The following MYO18B variants were observed in gnomAD, a reference collection of about 807,000 sequenced individuals.
MYO18B encodes myosin XVIIIB.
A neutral mutation model predicts 273.0 loss-of-function variants in MYO18B; 204 were observed. The observed-to-expected ratio is 0.75, with a 90% CI of 0.67 to 0.84. The LOEUF is 0.84. MYO18B is among the 40% of genes least tolerant of loss of function. MYO18B has a pLI of 0.00. For synonymous variants in MYO18B, 1,330 were observed against 1,305.7 expected (o/e 1.02, Z -0.40); for missense variants, 3,212 against 3,287.6 (o/e 0.98, Z 0.56).
rs568187984 is a variant in MYO18B at position 25,960,526 on chromosome 22, T to C, written c.6156+5162T>C. On this transcript the variant is annotated intron_variant, in intron 39 of 43. Coordinates refer to ENST00000335473, the MANE Select transcript of MYO18B (RefSeq NM_032608.7). ...CTGATCCAGGTGTCCTTTTCACAAG[T>C]TCCCCAGGTCTTGAAAAACTTGCAT... Among the ~76,000 whole-genome samples the C allele has an allele frequency of 2.0e-5, 3 of 152,298 alleles. No individual in the cohort carries two copies. In the East Asian group the frequency reaches 5.8e-4, roughly 29 times the overall value.
At position 25,990,553 on chromosome 22, in the gene MYO18B, C is replaced by G. The variant is rs571836896; in HGVS notation, c.6157-1810C>G. On this transcript the variant is annotated intron_variant, in intron 39 of 43. Coordinates refer to ENST00000335473, the MANE Select transcript of MYO18B (RefSeq NM_032608.7). Reference sequence around the variant, plus strand: ...AATACATAAATTAGCCAAGTGTGGTCGTGGGTGCCTGTAATCCCATCTACT... The same window carrying G: ...AATACATAAATTAGCCAAGTGTGGTGGTGGGTGCCTGTAATCCCATCTACT... Among the ~76,000 whole-genome samples the G allele has an allele frequency of 3.3e-5, 5 of 151,528 alleles. No individual in the cohort carries two copies. In the South Asian group the frequency reaches 6.3e-4, roughly 19 times the overall value.
chr22:25,755,800 C>T (rs560219584), intron 1 of MYO18B, among the ~76,000 whole-genome samples: 11 of 152,292 alleles, frequency 7.2e-5, no homozygotes, highest in African/African-American at 2.2e-4. Context: ...TCCCCTTCTC[C>T]TGCGGTTATT....
chr22:25,960,566 C>G (rs2092907436), intron 39 of MYO18B, among the ~76,000 whole-genome samples: 2 of 152,234 alleles, frequency 1.3e-5, no homozygotes, highest in African/African-American at 4.8e-5. Context: ...CTTCTGCTCA[C>G]TCTTCCTGCA....
chr22:25,842,539 G>A (rs994327076), intron 17 of MYO18B, among the ~76,000 whole-genome samples: 2 of 152,028 alleles, frequency 1.3e-5, no homozygotes, highest in African/African-American at 2.4e-5. Context: ...AGGCATGTTG[G>A]CTCATGCCTG....
chr22:25,891,017 G>T (rs2091647119), intron 26 of MYO18B, 142 bp downstream of exon 26: 1 of 1,263,794 alleles, frequency 7.9e-7, no homozygotes, highest in East Asian at 2.5e-5. Flanking sequence ...GGTCCTGGGG[G>T]ACACTTAGGT....
In MYO18B at chr22:25,883,027, G is replaced by A. The variant is rs2091389854; in HGVS notation, c.4314+4979G>A. ...ACCTCCTACTTCAGCCTCCCATGTA[G>A]CCAGGACCACAGGCGTGCATCACCA... On this transcript the variant is annotated intron_variant, in intron 25 of 43. Coordinates refer to ENST00000335473, the MANE Select transcript of MYO18B (RefSeq NM_032608.7). The surrounding 1 kb of genome is among the most constrained non-coding windows in gnomAD (Gnocchi z 7.6). Among the ~76,000 whole-genome samples, 1 of 152,084 alleles carries A rather than the reference G, an allele frequency of 6.6e-6. No individual in the cohort carries two copies.
the MYO18B span, among the ~76,000 whole-genome samples, chr22:26,039,578 C>T: frequency 1.3e-5 from 2 of 152,110 alleles, no homozygotes; most frequent in African/African-American, 4.8e-5. Context: ...GCCTCCTACA[C>T]ACCTGTGCCT....
intron 12 of MYO18B, among the ~76,000 whole-genome samples, chr22:25,813,241 A>G (rs1432854308): frequency 1.1e-4 from 15 of 141,168 alleles, no homozygotes; most frequent in African/African-American, 3.7e-4. Context: ...CTGGAGTGCA[A>G]TGGTGCAGTC....
intron 13 of MYO18B, among the ~76,000 whole-genome samples, chr22:25,824,414 A>G (rs1461079537): frequency 6.6e-6 from 1 of 152,202 alleles, no homozygotes; most frequent in Non-Finnish European, 1.5e-5. Flanking sequence ...TGGCCCCAGC[A>G]GCTGGAAGAA....
rs1482373201 is a variant in MYO18B, at chr22:25,823,592, C to T, written c.2609C>T (p.Thr870Ile). 1 of 1,613,946 alleles carries T rather than the reference C, an allele frequency of 6.2e-7. No homozygotes were observed. The highest frequency in any genetic ancestry group is 8.5e-7 in the Non-Finnish European group (1 of 1,179,896). Residue 870 changes from threonine to isoleucine, a missense_variant, in exon 13 of 44, where the codon ACC (threonine) becomes ATC (isoleucine). Coordinates refer to ENST00000335473, the MANE Select transcript of MYO18B (RefSeq NM_032608.7). Reference sequence around the variant, plus strand: ...GAGTATGAGGAGCTGAACACGGCCACCTTCAAGCACCACCTTCGACAGATC... The same window carrying T: ...GAGTATGAGGAGCTGAACACGGCCATCTTCAAGCACCACCTTCGACAGATC... ...GCEYEELNTA[T>I]FKHHLRQIIQ... is the part of the protein sequence containing the mutation.
intron 4 of MYO18B, chr22:25,769,892 G>A: frequency 1.9e-6 from 1 of 522,816 alleles, no homozygotes; most frequent in Non-Finnish European, 3.4e-6. Context: ...GTCTTGCTCT[G>A]TCACCCAGGC....
At position 25,828,804 on chromosome 22, in the gene MYO18B, G is replaced by A. The variant is rs1372571820; in HGVS notation, c.2815G>A (p.Ala939Thr). The change falls in exon 15 of 44, where the codon GCC (alanine) becomes ACC (threonine). Residue 939 changes from alanine (A) to threonine (T), a missense_variant. Transcript: ENST00000335473. ...CTTTTCCTCCCACCATCTCTCCATG[G>A]CCTCCATCATGGTGGTGGACTCTCC... ...RSFSSHHLSM[A>T]SIMVVDSPGF... is the part of the protein sequence containing the mutation. The A allele has an allele frequency of 1.2e-6, 2 of 1,613,612 alleles. No individual in the cohort carries two copies. Among genetic ancestry groups the A allele is most frequent in the Non-Finnish European group, 8.5e-7 (1 of 1,179,838 alleles).
At chr22:25,965,982 A>C (rs1227567651) in intron 39 of MYO18B, among the ~76,000 whole-genome samples, 3 of 152,178 alleles carry the variant, frequency 2.0e-5, no homozygotes, top group African/African-American at 7.2e-5. Context: ...CTGTCTTTTT[A>C]AGCAAGATTA....
chr22:26,013,168 T>C (rs1242901779), intron 42 of MYO18B, among the ~76,000 whole-genome samples: 2 of 152,220 alleles, frequency 1.3e-5, no homozygotes, highest in East Asian at 3.8e-4. Flanking sequence ...TTCATTGCTC[T>C]ATAGTCTATG....
chr22:25,997,305 C>CAAAAA (rs1933372342), intron 40 of MYO18B, among the ~76,000 whole-genome samples: 1 of 14,098 alleles, frequency 7.1e-5, no homozygotes, highest in Non-Finnish European at 1.1e-4. Flanking sequence ...ACTCTGTCGC[C>CAAAAA]AAAAAAAAAA....
chr22:26,062,457 G>A, the MYO18B span, among the ~76,000 whole-genome samples: 2 of 152,130 alleles, frequency 1.3e-5, no homozygotes, highest in African/African-American at 4.8e-5. Context: ...TAGAAACCAA[G>A]CCAAGAGCCA....
At chr22:25,903,463 G>A (rs1372190472) in intron 30 of MYO18B, among the ~76,000 whole-genome samples, 168 bp from the exon 31 acceptor site, 1 of 152,212 alleles carries the variant, frequency 6.6e-6, no homozygotes, top group African/African-American at 2.4e-5. Context: ...AGCCCTTGCT[G>A]GTGTCCCACA....
At chr22:25,954,776 A>C (rs562840901) in intron 38 of MYO18B, among the ~76,000 whole-genome samples, 1 of 152,096 alleles carries the variant, frequency 6.6e-6, no homozygotes. Context: ...CAGTGGCGTG[A>C]TCTTGGCTCA....
rs1412920307 is a variant in MYO18B, at chr22:25,883,021, C to T, written c.4314+4973C>T. On this transcript the variant is annotated intron_variant, in intron 25 of 43. Coordinates refer to ENST00000335473, the MANE Select transcript of MYO18B (RefSeq NM_032608.7). This position sits in a 1 kb window ranked among gnomAD's most constrained non-coding sequence, Gnocchi z 7.6. ...AAGCGAACCTCCTACTTCAGCCTCC[C>T]ATGTAGCCAGGACCACAGGCGTGCA... 1.3e-5 allele frequency among the ~76,000 whole-genome samples: 2 copies of T among 152,148 alleles called. No homozygotes were observed. Among genetic ancestry groups the T allele is most frequent in the African/African-American group, 4.8e-5 (2 of 41,434 alleles).
Sources: allele counts gnomAD v4.1 joint callset (sites outside exome capture counted in the v4.1 genomes callset), GRCh38; gene constraint gnomAD v4.1.1; non-coding constraint Gnocchi (gnomAD v3.1); transcripts MANE v1.5; gene names NCBI Gene and HGNC (gene_info 2026-07-23, HGNC 2026-07-21).